Variants in SAMSN1 observed in about 807,000 individuals in gnomAD.
SAMSN1 encodes SAM domain-containing protein SAMSN-1.
In SAMSN1, 31 loss-of-function variants were observed where a neutral mutation model predicts 42.0. That is an observed-to-expected ratio of 0.74 (90% CI 0.55 to 1.00). The LOEUF (loss-of-function observed/expected upper bound fraction) is 1.00, where lower values mean the gene tolerates loss of function less well. Among genes scored for constraint, SAMSN1 ranks in the 50% least tolerant of loss-of-function variants. The pLI is 0.00. For synonymous variants in SAMSN1, 178 were observed against 151.9 expected, an observed-to-expected ratio of 1.17 and a Z score of -1.26; for missense variants, 464 against 439.4, an observed-to-expected ratio of 1.06 and a Z score of -0.50.
chr21:14,525,840 A>T (rs1439512486), intron 1 of SAMSN1, among the ~76,000 whole-genome samples: 1 of 152,162 alleles, frequency 6.6e-6, no homozygotes, highest in African/African-American at 2.4e-5. Context: ...TTATTTATAA[A>T]AGTTAGTGGT....
At chr21:14,611,216 T>C (rs532687628) in intron 4 of SAMSN1, among the ~76,000 whole-genome samples, 4 of 152,242 alleles carry the variant, frequency 2.6e-5, no homozygotes, top group East Asian at 3.9e-4. Context: ...AGAAAGAACA[T>C]TGGGCTGTGA....
At chr21:14,649,585 C>A (rs1000822956) in intron 1 of SAMSN1, among the ~76,000 whole-genome samples, 1 of 152,000 alleles carries the variant, frequency 6.6e-6, no homozygotes, top group Non-Finnish European at 1.5e-5. Context: ...GTCTGAAAAA[C>A]CTGGTTAAAC....
chr21:14,497,349 C>T (rs1002752557), intron 7 of SAMSN1, among the ~76,000 whole-genome samples: 1 of 152,160 alleles, frequency 6.6e-6, no homozygotes, highest in Non-Finnish European at 1.5e-5. Flanking sequence ...AATCCCAGCA[C>T]TTTGAGAGGC....
intron 2 of SAMSN1, among the ~76,000 whole-genome samples, chr21:14,635,168 C>T (rs952498710): frequency 7.2e-5 from 11 of 152,186 alleles, no homozygotes; most frequent in African/African-American, 2.6e-4. Flanking sequence ...ACAACACACA[C>T]CAGGGACTGT....
At chr21:14,589,425 C>A (rs965134674) in intron 7 of SAMSN1, among the ~76,000 whole-genome samples, 1 of 151,510 alleles carries the variant, frequency 6.6e-6, no homozygotes, top group Non-Finnish European at 1.5e-5. Flanking sequence ...TTAAGACCAA[C>A]CAAATTCAGG....
chr21:14,509,903 G>T (rs1001619456), intron 5 of SAMSN1, among the ~76,000 whole-genome samples: 2 of 152,182 alleles, frequency 1.3e-5, no homozygotes, highest in African/African-American at 2.4e-5. Flanking sequence ...ACTTTGGGAG[G>T]CCGAGGCGGG....
Position 14,608,166 on chromosome 21 carries a change from C to T in SAMSN1, c.322+1316G>A, listed in dbSNP as rs571177617. Among the ~76,000 whole-genome samples the T allele has an allele frequency of 2.6e-5, 4 of 152,310 alleles. No individual in the cohort carries two copies. The South Asian group carries it at 6.2e-4, about 24-fold the overall frequency. On this transcript the variant is annotated intron_variant, in intron 5 of 15. Coordinates refer to the SAMSN1 transcript ENST00000647101. ...TAACTAAAAATGAGGTGAGTGATCACAATACCTGGTTCTAACATCATATCC... is the reference window on the plus strand; with the variant it reads ...TAACTAAAAATGAGGTGAGTGATCATAATACCTGGTTCTAACATCATATCC...
intron 5 of SAMSN1, among the ~76,000 whole-genome samples, chr21:14,606,127 A>T (rs1442645448): frequency 6.6e-6 from 1 of 152,154 alleles, no homozygotes; most frequent in Non-Finnish European, 1.5e-5. Flanking sequence ...GGCGTGAACC[A>T]CTGCGCCCGG....
intron 1 of SAMSN1, among the ~76,000 whole-genome samples, chr21:14,531,325 A>G (rs1056139093): frequency 1.3e-5 from 2 of 152,114 alleles, no homozygotes; most frequent in African/African-American, 4.8e-5. Context: ...GTATAGTGTC[A>G]TTAATCTAAA....
At chr21:14,581,879 C>G (rs965848020) in intron 2 of SAMSN1, among the ~76,000 whole-genome samples, 6 of 152,180 alleles carry the variant, frequency 3.9e-5, no homozygotes, top group African/African-American at 1.2e-4. Context: ...AGTCAACACA[C>G]GAAGTCTTCC....
intron 1 of SAMSN1, among the ~76,000 whole-genome samples, chr21:14,646,036 G>T (rs1183412317): frequency 6.6e-6 from 1 of 152,110 alleles, no homozygotes; most frequent in Admixed American, 6.5e-5. Flanking sequence ...CCTCAAAAGG[G>T]CAAATCTAAG....
chr21:14,638,112 G>A (rs71315782), intron 2 of SAMSN1, among the ~76,000 whole-genome samples: 8 of 152,188 alleles, frequency 5.3e-5, no homozygotes, highest in South Asian at 4.2e-4. Context: ...ATACATTCCC[G>A]CAAAGCTTGG....
chr21:14,640,434 T>C (rs1462896799), intron 2 of SAMSN1, among the ~76,000 whole-genome samples: 1 of 152,122 alleles, frequency 6.6e-6, no homozygotes, highest in Non-Finnish European at 1.5e-5. Flanking sequence ...TTCAGGGTGA[T>C]TTCAGAGTAT....
At chr21:14,520,391 A>AAATAC (rs1020290661) in intron 2 of SAMSN1, among the ~76,000 whole-genome samples, 1 of 152,242 alleles carries the variant, frequency 6.6e-6, no homozygotes, top group Non-Finnish European at 1.5e-5. Flanking sequence ...TAATGTGTAT[A>AAATAC]AATACAATGT....
At chr21:14,565,043 C>T (rs375265960) in intron 2 of SAMSN1, among the ~76,000 whole-genome samples, 20 of 152,080 alleles carry the variant, frequency 1.3e-4, no homozygotes, top group African/African-American at 4.6e-4. Context: ...ACCTGTAATC[C>T]CAGCACTTTG....
chr21:14,531,451 C>CT (rs1442334354), intron 1 of SAMSN1, among the ~76,000 whole-genome samples: 2 of 151,632 alleles, frequency 1.3e-5, no homozygotes, highest in Non-Finnish European at 2.9e-5. Context: ...TGAGCAATTT[C>CT]TTTCAGGATC....
At chr21:14,634,621 T>A (rs1983419156) in intron 2 of SAMSN1, among the ~76,000 whole-genome samples, 1 of 152,102 alleles carries the variant, frequency 6.6e-6, no homozygotes, top group Non-Finnish European at 1.5e-5. Flanking sequence ...TGAGATACCA[T>A]CTCACACCAG....
intron 2 of SAMSN1, among the ~76,000 whole-genome samples, chr21:14,577,057 T>TTTC (rs1555838684): frequency 4.9e-5 from 6 of 123,680 alleles, no homozygotes; most frequent in African/African-American, 1.7e-4. Flanking sequence ...TCTTTTTTTT[T>TTTC]TTTTTTTTTT....
chr21:14,572,748 A>G lies in SAMSN1; in HGVS notation c.261+9388T>C, dbSNP rs551707137. Among the ~76,000 whole-genome samples, 6 of 152,286 alleles carry G rather than the reference A, an allele frequency of 3.9e-5. No homozygotes were observed. The East Asian group carries it at 7.7e-4, about 20-fold the overall frequency. ...ACTTTTAATTAGCCCTTTCACATCC[A>G]AGGTGTCATTTCATACTGCAAGCTG... On this transcript the variant is annotated intron_variant, in intron 2 of 8. Transcript: ENST00000285670.
Sources: allele counts gnomAD v4.1 joint callset (sites outside exome capture counted in the v4.1 genomes callset), GRCh38; gene constraint gnomAD v4.1.1; transcripts MANE v1.5; gene names NCBI Gene and HGNC (gene_info 2026-07-23, HGNC 2026-07-21).